Variants in TBC1D9 observed in about 807,000 individuals in gnomAD.
The protein encoded by TBC1D9 is TBC1 domain family member 9A.
Under a neutral mutation model 132.0 loss-of-function variants are expected in TBC1D9, and 63 were observed. The observed-to-expected ratio is 0.48, with a 90% CI of 0.39 to 0.59. The LOEUF (loss-of-function observed/expected upper bound fraction) is 0.59, where lower values mean the gene tolerates loss of function less well. Ranked by LOEUF, TBC1D9 falls within the 20% of genes least tolerant of loss-of-function variation. TBC1D9 has a pLI of 0.00. For synonymous variants in TBC1D9, 610 were observed against 609.9 expected, an observed-to-expected ratio of 1.00 and a Z score of 0.00; for missense variants, 1,261 against 1,592.7, an observed-to-expected ratio of 0.79 and a Z score of 3.54.
At chr4:140,680,936 CA>C (rs1737694116) in intron 3 of TBC1D9, among the ~76,000 whole-genome samples, 1 of 152,142 alleles carries the variant, frequency 6.6e-6, no homozygotes, top group South Asian at 2.1e-4. Flanking sequence ...GTATAAAGTC[CA>C]AAAATCTAGA....
chr4:140,645,131 G>A, intron 13 of TBC1D9: 1 of 562,096 alleles, frequency 1.8e-6, no homozygotes, highest in Non-Finnish European at 3.4e-6. Context: ...AGCTGGTAGG[G>A]TGCACGTGGG....
Position 140,657,076 on chromosome 4 carries a change from C to T in TBC1D9, c.2337+21G>A, listed in dbSNP as rs757550150. The T allele has an allele frequency of 1.6e-5, 26 of 1,611,668 alleles. No homozygotes were observed. In the African/African-American group the frequency reaches 2.7e-4, roughly 17 times the overall value. On this transcript the variant is annotated intron_variant, in intron 13 of 20. Coordinates refer to ENST00000442267, the MANE Select transcript of TBC1D9 (RefSeq NM_015130.3). The stretch of plus-strand genomic sequence containing the variant: ...GTCGAATGCATGGTTAAGCCCTGCT[C>T]AGCCAGGAGACAAGACCTACCTCGT...
intron 1 of TBC1D9, among the ~76,000 whole-genome samples, chr4:140,725,826 T>C (rs530968733): frequency 6.6e-6 from 1 of 152,274 alleles, no homozygotes; most frequent in South Asian, 2.1e-4. Context: ...TGTAATTTGC[T>C]TGTACATGCA....
intron 2 of TBC1D9, among the ~76,000 whole-genome samples, chr4:140,692,881 G>T (rs1474420843): frequency 6.6e-6 from 1 of 152,064 alleles, no homozygotes; most frequent in Non-Finnish European, 1.5e-5. Context: ...TTAGCAGGGT[G>T]TGATGGTGTG....
At chr4:140,728,415 A>C (rs1738532919) in intron 1 of TBC1D9, among the ~76,000 whole-genome samples, 1 of 151,814 alleles carries the variant, frequency 6.6e-6, no homozygotes. Flanking sequence ...AAAAAAAAAA[A>C]AGTAACAGTT....
In TBC1D9 at chr4:140,657,090, G is replaced by C. The variant is rs368582311; in HGVS notation, c.2337+7C>G. On this transcript the variant is annotated splice_region_variant and intron_variant, in intron 13 of 20. Transcript: ENST00000442267. ...TAAGCCCTGCTCAGCCAGGAGACAA[G>C]ACCTACCTCGTAGGAAGTTCTGATG... 6 of 1,613,058 alleles carry C rather than the reference G, an allele frequency of 3.7e-6. No individual in the cohort carries two copies. In the South Asian group the frequency reaches 6.6e-5, roughly 18 times the overall value.
intron 1 of TBC1D9, among the ~76,000 whole-genome samples, chr4:140,741,574 T>C (rs1738758936): frequency 6.6e-6 from 1 of 152,018 alleles, no homozygotes; most frequent in Non-Finnish European, 1.5e-5. Context: ...AAAAATTAGC[T>C]AGGTGTAGTG....
intron 13 of TBC1D9, among the ~76,000 whole-genome samples, chr4:140,648,614 G>A (rs780485009): frequency 6.6e-6 from 1 of 152,058 alleles, no homozygotes; most frequent in Non-Finnish European, 1.5e-5. Flanking sequence ...TCAAACTCCT[G>A]AGCTTAAGTG....
At chr4:140,626,638 A>T (rs1161255375) in intron 18 of TBC1D9, among the ~76,000 whole-genome samples, 1 of 152,250 alleles carries the variant, frequency 6.6e-6, no homozygotes, top group Non-Finnish European at 1.5e-5. Flanking sequence ...AAGCCAAAAG[A>T]CAATGCTAGA....
chr4:140,739,605 G>A (rs776866614), intron 1 of TBC1D9, among the ~76,000 whole-genome samples: 16 of 151,966 alleles, frequency 1.1e-4, no homozygotes, highest in Admixed American at 2.6e-4. Context: ...ACAGATTTTC[G>A]GCAAATTTTA....
chr4:140,643,217 A>AC lies in TBC1D9; in HGVS notation c.2338-3790dup, dbSNP rs1233421752. The stretch of plus-strand genomic sequence containing the variant: ...GCCGAGCCACCAGGGCCCGCTCCGC[A>AC]CCTCCCACCTTCTTGCTCCTCCTCT... On this transcript the variant is annotated intron_variant, in intron 13 of 20. Coordinates refer to ENST00000442267, the MANE Select transcript of TBC1D9 (RefSeq NM_015130.3). The AC allele has an allele frequency of 2.2e-6, 3 of 1,364,842 alleles. No individual in the cohort carries two copies. In the East Asian group the frequency reaches 7.5e-5, roughly 34 times the overall value. 84.5% of individuals were successfully genotyped at this position (1,364,842 alleles called of 1,614,324 possible). A position where few individuals can be genotyped will look rare whatever the true frequency, so the allele number is the denominator to read the frequency against.
intron 1 of TBC1D9, among the ~76,000 whole-genome samples, chr4:140,711,418 C>A (rs1413795179): frequency 3.9e-5 from 6 of 152,166 alleles, no homozygotes; most frequent in Non-Finnish European, 7.3e-5. Context: ...ATATCAATCC[C>A]CTCCTGGATA....
chr4:140,690,546 G>T (rs1329225359), intron 2 of TBC1D9, among the ~76,000 whole-genome samples: 1 of 152,036 alleles, frequency 6.6e-6, no homozygotes, highest in Non-Finnish European at 1.5e-5. Flanking sequence ...TGAAAAGGCT[G>T]GCCTTTTGGA....
rs1737510159 is a variant in TBC1D9, at chr4:140,669,950, A to G, written c.1267-146T>C. ...TGTGAAGAAACACGAGAAAAGCAGC[A>G]AGCCATCATTTTGGCAGGGATTAGA... On this transcript the variant is annotated intron_variant, in intron 7 of 20. Transcript: ENST00000442267. 5 of 843,056 alleles carry G rather than the reference A, an allele frequency of 5.9e-6. No individual in the cohort carries two copies. In the South Asian group the frequency reaches 1.0e-4, roughly 18 times the overall value. 52.2% of individuals were successfully genotyped at this position (843,056 alleles called of 1,614,324 possible).
At chr4:140,645,333 T>C (rs1165101716) in intron 13 of TBC1D9, 1 of 502,932 alleles carries the variant, frequency 2.0e-6, no homozygotes, top group Non-Finnish European at 3.9e-6. Context: ...AGCCAGCCAC[T>C]GCTGCCACTA....
At chr4:140,721,814 G>A (rs989610900) in intron 1 of TBC1D9, among the ~76,000 whole-genome samples, 2 of 152,074 alleles carry the variant, frequency 1.3e-5, no homozygotes, top group Non-Finnish European at 2.9e-5. Context: ...GTCTAGAATT[G>A]TTCTCCTGTG....
chr4:140,631,172 C>T (rs1736788973), intron 16 of TBC1D9, among the ~76,000 whole-genome samples: 1 of 152,202 alleles, frequency 6.6e-6, no homozygotes, highest in African/African-American at 2.4e-5. Flanking sequence ...GTTTCAGCCG[C>T]ACTGTTGGAG....
At chr4:140,739,833 A>G (rs1738732171) in intron 1 of TBC1D9, among the ~76,000 whole-genome samples, 1 of 152,142 alleles carries the variant, frequency 6.6e-6, no homozygotes, top group African/African-American at 2.4e-5. Flanking sequence ...AGACCCTATC[A>G]TATTGAAAAA....
At chr4:140,745,787 A>T (rs1038121010) in intron 1 of TBC1D9, among the ~76,000 whole-genome samples, 1 of 152,144 alleles carries the variant, frequency 6.6e-6, no homozygotes, top group Non-Finnish European at 1.5e-5. Flanking sequence ...CCCCCTGTGT[A>T]TTTATAAATA....
Sources: allele counts gnomAD v4.1 joint callset (sites outside exome capture counted in the v4.1 genomes callset), GRCh38; gene constraint gnomAD v4.1.1; transcripts MANE v1.5; gene names NCBI Gene and HGNC (gene_info 2026-07-23, HGNC 2026-07-21).